MYBL2: variants seen among roughly 807,000 people sequenced by gnomAD.
MYBL2 encodes the protein myb-related protein B.
A neutral mutation model predicts 79.9 loss-of-function variants in MYBL2; 28 were observed. The ratio of observed to expected loss-of-function variants is 0.35; its 90% CI spans 0.26 to 0.48. The LOEUF is 0.48. Among genes scored for constraint, MYBL2 ranks in the 20% least tolerant of loss-of-function variants. MYBL2 has a pLI of 0.99. For synonymous variants in MYBL2, 378 were observed against 361.2 expected, an observed-to-expected ratio of 1.05 and a Z score of -0.53; for missense variants, 735 against 893.9, an observed-to-expected ratio of 0.82 and a Z score of 2.27.
At position 43,683,550 on chromosome 20, in the gene MYBL2, C is replaced by CCTTTT. The variant is rs764273305; in HGVS notation, c.279+664_279+665insCTTTT. 1.7e-4 allele frequency among the ~76,000 whole-genome samples: 22 copies of CCTTTT among 126,430 alleles called. 7 individuals are homozygous for CCTTTT. The highest frequency in any genetic ancestry group is 1.8e-4 in the African/African-American group (6 of 32,954). The allele number at this position is 126,430 out of a possible 152,430, so 82.9% of individuals were successfully genotyped here. A position where few individuals can be genotyped will look rare whatever the true frequency, so the allele number is the denominator to read the frequency against. Reference sequence around the variant, plus strand: ...AAAGAGGGAGATGAAGGGAACTAGGCATTTTTTTTTTTTTTTTTTTTGAGA... The same window carrying CCTTTT: ...AAAGAGGGAGATGAAGGGAACTAGGCCTTTTATTTTTTTTTTTTTTTTTTTTGAGA... On this transcript the variant is annotated intron_variant, in intron 4 of 13. Coordinates refer to ENST00000217026, the MANE Select transcript of MYBL2 (RefSeq NM_002466.4).
intron 4 of MYBL2, among the ~76,000 whole-genome samples, chr20:43,684,381 C>T (rs1451099071): frequency 1.3e-5 from 2 of 151,874 alleles, no homozygotes; most frequent in Non-Finnish European, 2.9e-5. Flanking sequence ...GGATTACAGG[C>T]GCCTGCCACC....
chr20:43,682,254 T>C (rs2145714296), intron 3 of MYBL2, among the ~76,000 whole-genome samples: 1 of 152,160 alleles, frequency 6.6e-6, no homozygotes, highest in African/African-American at 2.4e-5. Flanking sequence ...GCTACCACAT[T>C]CGAGTATTTA....
chr20:43,714,857 T>C (rs1343268697), intron 12 of MYBL2, among the ~76,000 whole-genome samples: 1 of 152,152 alleles, frequency 6.6e-6, no homozygotes, highest in Admixed American at 6.5e-5. Context: ...TCTCGATCTC[T>C]TGACCTCGTG....
intron 2 of MYBL2, among the ~76,000 whole-genome samples, chr20:43,679,461 T>C (rs1987094451): frequency 6.6e-6 from 1 of 152,098 alleles, no homozygotes; most frequent in Non-Finnish European, 1.5e-5. Context: ...TCTCTAAAAC[T>C]TTTTCATCTT....
intron 13 of MYBL2, 76 bp from the exon 14 acceptor site, chr20:43,715,883 C>T: frequency 6.6e-7 from 1 of 1,514,420 alleles, no homozygotes; most frequent in Non-Finnish European, 8.8e-7. Context: ...CTCTACCCTT[C>T]CCTGGCCAGG....
rs1189000546 is a variant in MYBL2 at position 43,699,962 on chromosome 20, A to G, written c.869A>G (p.Tyr290Cys). Reference protein sequence around the residue: ...EGSPPETSLPYKWVVEAANLL... With the variant: ...EGSPPETSLPCKWVVEAANLL... ...TCCCCACCAGAAACGAGCCTGCCTT[A>G]CAAGTGGGTGGTGGAGGCAGCTAAC... Residue 290 changes from tyrosine to cysteine, a missense_variant, in exon 7 of 14, where the codon TAC becomes TGC. Around this residue, in one of 5 missense-constraint regions of MYBL2, gnomAD observed 243 missense variants for 327.2 expected, o/e 0.74. Coordinates refer to ENST00000217026, the MANE Select transcript of MYBL2 (RefSeq NM_002466.4). The G allele has an allele frequency of 6.2e-7, 1 of 1,614,066 alleles. No homozygotes were observed. Among genetic ancestry groups the G allele is most frequent in the Non-Finnish European group, 8.5e-7 (1 of 1,180,032 alleles).
chr20:43,708,275 T>A (rs967645695), intron 9 of MYBL2, among the ~76,000 whole-genome samples: 1 of 151,992 alleles, frequency 6.6e-6, no homozygotes, highest in Non-Finnish European at 1.5e-5. Context: ...AATTTTTTTG[T>A]TTTTTTGAGA....
intron 6 of MYBL2, among the ~76,000 whole-genome samples, chr20:43,697,407 TG>T (rs1360825585): frequency 6.6e-6 from 1 of 150,596 alleles, no homozygotes; most frequent in African/African-American, 2.5e-5. Flanking sequence ...GCTAGGAGTT[TG>T]AGGCCAGCCT....
chr20:43,707,775 C>T (rs1229942795), intron 9 of MYBL2, among the ~76,000 whole-genome samples: 2 of 152,012 alleles, frequency 1.3e-5, no homozygotes, highest in South Asian at 2.1e-4. Context: ...TTTTCCCCCC[C>T]GGCTTTCATA....
intron 9 of MYBL2, among the ~76,000 whole-genome samples, chr20:43,709,055 A>G (rs145308476): frequency 6.6e-6 from 1 of 152,282 alleles, no homozygotes; most frequent in East Asian, 1.9e-4. Flanking sequence ...TTATCTCCCC[A>G]TGGAGTGGCT....
chr20:43,679,894 C>T (rs1987103816), intron 2 of MYBL2, among the ~76,000 whole-genome samples: 1 of 136,292 alleles, frequency 7.3e-6, no homozygotes, highest in Non-Finnish European at 1.6e-5. Context: ...GCTTGGGTGA[C>T]CAAGAGAGAC....
chr20:43,673,012 C>T (rs191860518), intron 1 of MYBL2, among the ~76,000 whole-genome samples: 7 of 152,218 alleles, frequency 4.6e-5, no homozygotes, highest in East Asian at 1.9e-4. Flanking sequence ...GACATGATCT[C>T]GGCTCATTGC....
At chr20:43,703,699 G>T (rs567053209) in intron 8 of MYBL2, among the ~76,000 whole-genome samples, 1 of 152,308 alleles carries the variant, frequency 6.6e-6, no homozygotes, top group African/African-American at 2.4e-5. Flanking sequence ...GTGGGAGAGA[G>T]CGAGGCCCTG....
rs1986736916 is a variant in MYBL2, at chr20:43,667,248, C to G, written c.-36C>G. On this transcript the variant is annotated 5_prime_UTR_variant, in exon 1 of 14. Coordinates refer to ENST00000217026, the MANE Select transcript of MYBL2 (RefSeq NM_002466.4). ...CGGCTCCCGCTCCGGGCTCTGCCGGCGGGCGGGCGAGCGCGGCGCGGTCCG... is the reference window on the plus strand; with the variant it reads ...CGGCTCCCGCTCCGGGCTCTGCCGGGGGGCGGGCGAGCGCGGCGCGGTCCG... 1.6e-6 allele frequency: 2 copies of G among 1,212,442 alleles called. No individual in the cohort carries two copies. The allele number at this position is 1,212,442 out of a possible 1,614,324, so 75.1% of individuals were successfully genotyped here.
At chr20:43,671,445 C>T (rs1441234220) in intron 1 of MYBL2, among the ~76,000 whole-genome samples, 5 of 150,580 alleles carry the variant, frequency 3.3e-5, no homozygotes, top group Non-Finnish European at 4.4e-5. Context: ...TATGAGTCAC[C>T]GCGCCCGGCT....
At position 43,715,175 on chromosome 20, in the gene MYBL2, A is replaced by G; in HGVS notation, c.1866A>G (p.Ser622=). 1 of 1,614,228 alleles carries G rather than the reference A, an allele frequency of 6.2e-7. No homozygotes were observed. The highest frequency in any genetic ancestry group is 8.5e-7 in the Non-Finnish European group (1 of 1,180,044). The change falls in exon 13 of 14, where the codon TCA becomes TCG. Residue 622 remains serine (S), a synonymous_variant. Coordinates refer to ENST00000217026, the MANE Select transcript of MYBL2 (RefSeq NM_002466.4). The part of the protein sequence containing the change: ...APSNSSSLTL[S]GIKEDNSLLN... ...CAAACTCTTCCAGCCTCACCCTGTC[A>G]GGTATCAAAGAAGACAACAGCTTGC... is the stretch of plus-strand genomic sequence containing the variant.
In MYBL2 at chr20:43,711,578, G is replaced by C. The variant is rs936333299; in HGVS notation, c.1696G>C (p.Glu566Gln). Residue 566 changes from glutamate to glutamine, a missense_variant, in exon 11 of 14, where the codon GAG (glutamate) becomes CAG (glutamine). Physicochemically the swap from Glu to Gln is conservative, Grantham distance 29 (BLOSUM62 2). This residue lies in a region of MYBL2 where 204 missense variants were observed against 202.9 expected (regional missense o/e 1.01). Transcript: ENST00000217026. ...ELIIEDDIRP[E>Q]KQKRKPGLRR... ...CATCATCGAGGACGACATCAGGCCC[G>C]AGAAGCAGAAGAGGAAGCCTGGGGT... 1.2e-6 allele frequency: 2 copies of C among 1,613,132 alleles called. No individual in the cohort carries two copies. The highest frequency in any genetic ancestry group is 2.7e-5 in the African/African-American group (2 of 74,866).
intron 3 of MYBL2, among the ~76,000 whole-genome samples, 166 bp from the exon 4 acceptor site, chr20:43,682,628 G>A (rs919149465): frequency 2.6e-5 from 4 of 152,182 alleles, no homozygotes; most frequent in Non-Finnish European, 5.9e-5. Flanking sequence ...CCCATGTTCC[G>A]GCATGTGGGC....
intron 9 of MYBL2, among the ~76,000 whole-genome samples, chr20:43,706,705 C>CA (rs796756025): frequency 0.019 from 716 of 38,058 alleles, 15 homozygotes; most frequent in African/African-American, 0.052. Flanking sequence ...TGTCTGTACA[C>CA]AAAAAAAAAA....
Sources: allele counts gnomAD v4.1 joint callset (sites outside exome capture counted in the v4.1 genomes callset), GRCh38; gene constraint gnomAD v4.1.1; regional missense constraint gnomAD v4.1.1; transcripts MANE v1.5; gene names NCBI Gene and HGNC (gene_info 2026-07-23, HGNC 2026-07-21).